SRFBP1: variants seen among roughly 807,000 people sequenced by gnomAD.
The protein encoded by SRFBP1 is serum response factor binding protein 1, also known as serum response factor-binding protein 1.
A neutral mutation model predicts 45.5 loss-of-function variants in SRFBP1; 47 were observed. That is an observed-to-expected ratio of 1.03 (90% CI 0.82 to 1.32). The LOEUF is 1.32. SRFBP1 is among the 40% of genes most tolerant of loss of function. The pLI is 0.00. For synonymous variants in SRFBP1, 203 were observed against 166.3 expected, an observed-to-expected ratio of 1.22 and a Z score of -1.70; for missense variants, 621 against 484.6, an observed-to-expected ratio of 1.28 and a Z score of -2.64.
chr5:122,013,581 TATG>T (rs796263224), intron 4 of SRFBP1, among the ~76,000 whole-genome samples: 5 of 152,234 alleles, frequency 3.3e-5, no homozygotes, highest in Admixed American at 2.0e-4. Flanking sequence ...GAAGATTACT[TATG>T]ATGAACAAAA....
intron 2 of SRFBP1, among the ~76,000 whole-genome samples, chr5:122,061,697 G>A (rs1189525179): frequency 8.6e-5 from 13 of 151,832 alleles, no homozygotes; most frequent in East Asian, 5.8e-4. Context: ...TTTAATAAGC[G>A]GTACCTAAAA....
chr5:121,974,177 AT>A lies in SRFBP1; in HGVS notation c.37-17del. On this transcript the variant is annotated intron_variant, in intron 1 of 7. Coordinates refer to ENST00000339397, the MANE Select transcript of SRFBP1 (RefSeq NM_152546.3). ...TGAAGTAAGTGCCTTTCTTCTAATTATTGCTTTATTCTTCAAAGGTTGTGAA... is the reference window on the plus strand; with the variant it reads ...TGAAGTAAGTGCCTTTCTTCTAATTATGCTTTATTCTTCAAAGGTTGTGAA... 1 of 1,579,682 alleles carries A rather than the reference AT, an allele frequency of 6.3e-7. No homozygotes were observed. Among genetic ancestry groups the A allele is most frequent in the Non-Finnish European group, 8.7e-7 (1 of 1,151,342 alleles).
In SRFBP1 at chr5:122,027,058, A is replaced by G; in HGVS notation, c.1222A>G (p.Arg408Gly). Residue 408 changes from arginine (R) to glycine (G), a missense_variant, in exon 8 of 8, where the codon AGA becomes GGA. Coordinates refer to ENST00000339397, the MANE Select transcript of SRFBP1 (RefSeq NM_152546.3). ...LPLHPSWEAS[R>G]RRKEQQSNIA... is the part of the protein sequence containing the mutation. ...TCTTCATCCTTCATGGGAAGCAAGCAGAAGGCGAAAAGAACAGCAATCTAA... is the reference window on the plus strand; with the variant it reads ...TCTTCATCCTTCATGGGAAGCAAGCGGAAGGCGAAAAGAACAGCAATCTAA... 6.2e-7 allele frequency: 1 copy of G among 1,612,974 alleles called. No homozygotes were observed. The highest frequency in any genetic ancestry group is 8.5e-7 in the Non-Finnish European group (1 of 1,179,628).
chr5:122,039,550 T>C (rs997097130), intron 2 of SRFBP1, among the ~76,000 whole-genome samples: 1 of 152,188 alleles, frequency 6.6e-6, no homozygotes, highest in Non-Finnish European at 1.5e-5. Flanking sequence ...GATTACATGA[T>C]TTTCACCTTC....
intron 1 of SRFBP1, among the ~76,000 whole-genome samples, chr5:121,970,291 C>T (rs78745609): frequency 0.027 from 4,137 of 152,108 alleles, 202 homozygotes; most frequent in African/African-American, 0.093. Context: ...AAATTGGAGA[C>T]GAGCTTTGTT....
chr5:122,048,939 C>T (rs934720450), intron 2 of SRFBP1, among the ~76,000 whole-genome samples: 1 of 151,994 alleles, frequency 6.6e-6, no homozygotes, highest in Non-Finnish European at 1.5e-5. Flanking sequence ...TCTCTCTTTT[C>T]TTCTTTATTA....
At chr5:121,988,360 A>G (rs1050569075) in intron 3 of SRFBP1, among the ~76,000 whole-genome samples, 1 of 152,178 alleles carries the variant, frequency 6.6e-6, no homozygotes, top group African/African-American at 2.4e-5. Flanking sequence ...ATGATTCTCT[A>G]GAAAGATTCA....
chr5:122,012,600 G>A (rs1753118871), intron 4 of SRFBP1, among the ~76,000 whole-genome samples: 1 of 152,014 alleles, frequency 6.6e-6, no homozygotes, highest in African/African-American at 2.4e-5. Context: ...TCATCAAGAC[G>A]AAATACAAAT....
chr5:122,009,867 G>A (rs1015172915), intron 4 of SRFBP1, among the ~76,000 whole-genome samples: 9 of 152,170 alleles, frequency 5.9e-5, no homozygotes, highest in South Asian at 2.1e-4. Flanking sequence ...TCTATATGTC[G>A]TCAATCTTTT....
chr5:121,988,189 C>T lies in SRFBP1; in HGVS notation c.199-6410C>T, dbSNP rs117004098. On this transcript the variant is annotated intron_variant, in intron 3 of 7. Coordinates refer to ENST00000339397, the MANE Select transcript of SRFBP1 (RefSeq NM_152546.3). ...GGAATTCAAACAAATTTTAATTGACCATCACTGACAACAGAATATAGCCAC... is the reference window on the plus strand; with the variant it reads ...GGAATTCAAACAAATTTTAATTGACTATCACTGACAACAGAATATAGCCAC... 5.8e-4 allele frequency among the ~76,000 whole-genome samples: 88 copies of T among 152,044 alleles called. 3 individuals carry two copies. In the East Asian group the frequency reaches 0.017, roughly 29 times the overall value.
At chr5:122,060,481 C>A (rs1387038822) in intron 2 of SRFBP1, among the ~76,000 whole-genome samples, 2 of 152,036 alleles carry the variant, frequency 1.3e-5, no homozygotes, top group Non-Finnish European at 2.9e-5. Flanking sequence ...TACTTGACCT[C>A]ACCTTTTTTA....
chr5:122,041,280 A>G (rs567153390), intron 2 of SRFBP1, among the ~76,000 whole-genome samples: 2 of 152,186 alleles, frequency 1.3e-5, no homozygotes, highest in Non-Finnish European at 2.9e-5. Context: ...TGGTAGAGTA[A>G]TTGAAATAAG....
rs569042453 is a variant in SRFBP1, at chr5:122,014,135, G to T, written c.271-5125G>T. Among the ~76,000 whole-genome samples, 52 of 152,166 alleles carry T rather than the reference G, an allele frequency of 3.4e-4. 2 individuals are homozygous for T. In the South Asian group the frequency reaches 0.01, roughly 30 times the overall value. ...TGTATGCATGTGTCAATATCACTTT[G>T]TACTCTATAAGTGTCTAAAATTATT... On this transcript the variant is annotated intron_variant, in intron 4 of 7. Coordinates refer to ENST00000339397, the MANE Select transcript of SRFBP1 (RefSeq NM_152546.3).
downstream of SRFBP1, chr5:122,077,818 G>A (rs1036096526): frequency 6.4e-6 from 10 of 1,551,964 alleles, no homozygotes; most frequent in Admixed American, 1.9e-5. This position sits in a 1 kb window ranked among gnomAD's most constrained non-coding sequence, Gnocchi z 4.9. Context: ...GGCTCAGCAA[G>A]CTGAACACCT....
downstream of SRFBP1, chr5:122,077,892 G>A (rs1754690554): frequency 2.6e-6 from 4 of 1,529,368 alleles, no homozygotes; most frequent in East Asian, 7.6e-5. This position sits in a 1 kb window ranked among gnomAD's most constrained non-coding sequence, Gnocchi z 4.9. Context: ...GGCTCGCGCG[G>A]GGGCTGCTGT....
chr5:121,990,408 A>T (rs1752595240), intron 3 of SRFBP1, among the ~76,000 whole-genome samples: 1 of 152,164 alleles, frequency 6.6e-6, no homozygotes, highest in Admixed American at 6.6e-5. Context: ...TGGGAGCAGG[A>T]GACACCGTGG....
chr5:122,018,958 CT>C (rs1753240957), intron 4 of SRFBP1, among the ~76,000 whole-genome samples: 1 of 151,912 alleles, frequency 6.6e-6, no homozygotes, highest in African/African-American at 2.4e-5. Flanking sequence ...AAACTATGTT[CT>C]TTTTTTGATG....
chr5:122,039,626 C>A (rs1296537034), intron 2 of SRFBP1, among the ~76,000 whole-genome samples: 2 of 152,140 alleles, frequency 1.3e-5, no homozygotes, highest in African/African-American at 4.8e-5. Context: ...CGTTGATATA[C>A]TGGGCAATTT....
At chr5:121,991,639 A>T (rs542175640) in intron 3 of SRFBP1, among the ~76,000 whole-genome samples, 1 of 152,322 alleles carries the variant, frequency 6.6e-6, no homozygotes, top group Admixed American at 6.5e-5. Context: ...AGATAAGAAT[A>T]ACTTCATAAT....
Sources: allele counts gnomAD v4.1 joint callset (sites outside exome capture counted in the v4.1 genomes callset), GRCh38; gene constraint gnomAD v4.1.1; non-coding constraint Gnocchi (gnomAD v3.1); transcripts MANE v1.5; gene names NCBI Gene and HGNC (gene_info 2026-07-23, HGNC 2026-07-21).